Variants in PCDH7 observed in about 807,000 individuals in gnomAD.
PCDH7 encodes the protein protocadherin 7, also known as protocadherin-7.
A neutral mutation model predicts 58.9 loss-of-function variants in PCDH7; 17 were observed. That is an observed-to-expected ratio of 0.29 (90% CI 0.20 to 0.43). The LOEUF (loss-of-function observed/expected upper bound fraction) is 0.43. Among genes scored for constraint, PCDH7 ranks in the 20% least tolerant of loss-of-function variants. The pLI is 1.00. For missense variants in PCDH7, 1,274 were observed against 1,441.0 expected (o/e 0.88, Z 1.88); for synonymous variants, 664 against 616.4 (o/e 1.08, Z -1.14).
exon 4 of PCDH7, chr4:31,142,616 C>T (rs960022758): frequency 7.3e-7 from 1 of 1,367,736 alleles, no homozygotes; most frequent in Non-Finnish European, 9.8e-7. Context: ...CACTTTCATG[C>T]CTGTTGATGA....
At chr4:30,940,499 A>AT (rs1361173134) in intron 2 of PCDH7, among the ~76,000 whole-genome samples, 3 of 152,054 alleles carry the variant, frequency 2.0e-5, no homozygotes, top group East Asian at 1.9e-4. Context: ...GTACAAAAAT[A>AT]TTTTTTGTGC....
intron 3 of PCDH7, among the ~76,000 whole-genome samples, chr4:31,020,477 T>A (rs1753939687): frequency 6.6e-6 from 1 of 152,212 alleles, no homozygotes; most frequent in Admixed American, 6.5e-5. Flanking sequence ...GCTTCTAAAG[T>A]GTAGGCGAAT....
intron 3 of PCDH7, among the ~76,000 whole-genome samples, chr4:30,997,618 T>G (rs546105223): frequency 1.3e-5 from 2 of 152,278 alleles, no homozygotes; most frequent in African/African-American, 2.4e-5. Flanking sequence ...GTGTGTTGAT[T>G]TAGACATTTG....
intron 3 of PCDH7, among the ~76,000 whole-genome samples, chr4:31,013,322 A>G (rs944563054): frequency 2.6e-5 from 4 of 151,822 alleles, no homozygotes; most frequent in African/African-American, 7.2e-5. Context: ...ATACACACAC[A>G]CACATACACA....
At chr4:30,994,550 T>C (rs527419941) in intron 3 of PCDH7, among the ~76,000 whole-genome samples, 1 of 152,300 alleles carries the variant, frequency 6.6e-6, no homozygotes, top group African/African-American at 2.4e-5. Context: ...GAAAATCAGC[T>C]TTCTAATATG....
chr4:30,797,974 G>A (rs757053079), intron 1 of PCDH7, among the ~76,000 whole-genome samples: 11 of 152,092 alleles, frequency 7.2e-5, no homozygotes, highest in African/African-American at 2.7e-4. Flanking sequence ...TGTGAACTTC[G>A]TTAGAGCTTC....
intron 3 of PCDH7, among the ~76,000 whole-genome samples, chr4:30,957,936 A>G (rs1748020140): frequency 6.6e-6 from 1 of 152,144 alleles, no homozygotes; most frequent in Admixed American, 6.5e-5. Context: ...GAGGGAGACA[A>G]GAGGCACTAT....
At chr4:31,095,614 A>T (rs566818280) in intron 3 of PCDH7, among the ~76,000 whole-genome samples, 1 of 151,890 alleles carries the variant, frequency 6.6e-6, no homozygotes, top group African/African-American at 2.4e-5. Context: ...TTAAAAGAAG[A>T]CTCCTCTCCT....
chr4:31,143,403 G>C (rs1418737615), downstream of PCDH7: 1 of 152,316 alleles, frequency 6.6e-6, no homozygotes, highest in South Asian at 2.1e-4. Flanking sequence ...TAGAAAGAGG[G>C]ACTGTATTAA....
chr4:30,948,949 C>T (rs6844071), intron 2 of PCDH7, among the ~76,000 whole-genome samples: 64,575 of 151,976 alleles, frequency 0.42, 17,045 homozygotes, highest in African/African-American at 0.76. Context: ...TTTCCAAACC[C>T]TAATGATCCT....
intron 1 of PCDH7, among the ~76,000 whole-genome samples, chr4:30,814,762 G>T (rs1414044611): frequency 1.3e-5 from 2 of 152,084 alleles, no homozygotes; most frequent in East Asian, 3.9e-4. Context: ...ATTAATTAAA[G>T]ATATTCTTTA....
intron 3 of PCDH7, among the ~76,000 whole-genome samples, chr4:31,107,599 A>G (rs2109307259): frequency 6.6e-6 from 1 of 152,308 alleles, no homozygotes; most frequent in Non-Finnish European, 1.5e-5. Context: ...GGTACCACTG[A>G]GTTAGTCATC....
At chr4:30,969,117 G>C (rs1345470416) in intron 3 of PCDH7, among the ~76,000 whole-genome samples, 1 of 152,132 alleles carries the variant, frequency 6.6e-6, no homozygotes, top group Non-Finnish European at 1.5e-5. Flanking sequence ...CCTGAGACAG[G>C]GCTGTTTTAG....
At position 31,020,984 on chromosome 4, in the gene PCDH7, G is replaced by A. The variant is rs570859212; in HGVS notation, c.*7+70769G>A. Among the ~76,000 whole-genome samples the A allele has an allele frequency of 2.6e-5, 4 of 152,204 alleles. No homozygotes were observed. The South Asian group carries it at 8.3e-4, about 32-fold the overall frequency. ...GTAGAACTCAAGAAGATATTTGTGT[G>A]TATTGGAAGAAAATATTTCCTATGT... is the stretch of plus-strand genomic sequence containing the variant. On this transcript the variant is annotated intron_variant, in intron 3 of 3. Transcript: ENST00000509759.
chr4:31,138,274 C>T (rs942960841), intron 3 of PCDH7, among the ~76,000 whole-genome samples: 33 of 152,174 alleles, frequency 2.2e-4, no homozygotes, highest in African/African-American at 8.0e-4. Context: ...GATAATCTGA[C>T]TTCTTAAGAA....
chr4:30,996,752 A>G (rs970753662), intron 3 of PCDH7, among the ~76,000 whole-genome samples: 8 of 152,206 alleles, frequency 5.3e-5, no homozygotes, highest in South Asian at 2.1e-4. Context: ...GTTTAATTAT[A>G]AGACAATTGA....
intron 3 of PCDH7, among the ~76,000 whole-genome samples, chr4:31,007,172 G>T (rs1047029400): frequency 6.6e-6 from 1 of 152,126 alleles, no homozygotes; most frequent in African/African-American, 2.4e-5. Flanking sequence ...TGTCTGGCTT[G>T]GAGAATTATT....
chr4:30,803,421 C>T (rs1215100682), intron 1 of PCDH7, among the ~76,000 whole-genome samples: 1 of 151,840 alleles, frequency 6.6e-6, no homozygotes, highest in Non-Finnish European at 1.5e-5. Context: ...AAAACACCAG[C>T]TGCCAAGTTA....
At chr4:31,061,916 C>T (rs937053024) in intron 3 of PCDH7, among the ~76,000 whole-genome samples, 1 of 151,612 alleles carries the variant, frequency 6.6e-6, no homozygotes, top group Non-Finnish European at 1.5e-5. Context: ...TTAGGGTATT[C>T]TGAGTAACAT....
Sources: gnomAD v4.1 joint callset for allele counts (sites outside exome capture counted in the v4.1 genomes callset) on GRCh38, gnomAD v4.1.1 for gene constraint, MANE v1.5 for transcripts, NCBI Gene and HGNC (gene_info 2026-07-23, HGNC 2026-07-21) for gene names.